The following LHFPL6 variants were observed in gnomAD, a reference collection of about 807,000 sequenced individuals.
LHFPL6 encodes LHFPL tetraspan subfamily member 6 protein.
A neutral mutation model predicts 20.6 loss-of-function variants in LHFPL6; 9 were observed. The ratio of observed to expected loss-of-function variants is 0.44; its 90% confidence interval spans 0.26 to 0.76. The LOEUF is 0.76. Ranked by LOEUF, LHFPL6 falls within the 30% of genes least tolerant of loss-of-function variation. The pLI, the probability that LHFPL6 is intolerant of heterozygous loss-of-function variation, is 0.20. For missense variants in LHFPL6, 218 were observed against 253.5 expected (o/e 0.86, Z 0.95); for synonymous variants, 105 against 98.7 (o/e 1.06, Z -0.38).
chr13:39,368,972 T>C lies in LHFPL6; in HGVS notation c.484+9456A>G. 1.3e-5 allele frequency among the ~76,000 whole-genome samples: 2 copies of C among 152,230 alleles called. 1 individual carries two copies. The highest frequency in any genetic ancestry group is 4.1e-4 in the South Asian group (2 of 4,824). On this transcript the variant is annotated intron_variant, in intron 3 of 3. Transcript: ENST00000379589. The stretch of plus-strand genomic sequence containing the variant: ...GCTGAAATGATGGGAAAGAATATAA[T>C]GGTTGAGAACACATAATACAAAAAA...
chr13:39,428,326 G>A (rs1871696701), intron 2 of LHFPL6, among the ~76,000 whole-genome samples: 1 of 151,790 alleles, frequency 6.6e-6, no homozygotes, highest in African/African-American at 2.4e-5. Flanking sequence ...AATTCATCAG[G>A]AAAGTCAACT....
intron 2 of LHFPL6, among the ~76,000 whole-genome samples, chr13:39,532,313 A>G (rs566091874): frequency 2.6e-4 from 39 of 152,178 alleles, no homozygotes; most frequent in Non-Finnish European, 3.7e-4. Flanking sequence ...AACAGCCCCA[A>G]CTGATGTTTT....
At chr13:39,524,939 T>G (rs1870241142) in intron 2 of LHFPL6, among the ~76,000 whole-genome samples, 1 of 152,224 alleles carries the variant, frequency 6.6e-6, no homozygotes, top group Admixed American at 6.5e-5. Context: ...GAAATAAAAC[T>G]TACTGAATTA....
At chr13:39,449,935 TC>T (rs1302519331) in intron 2 of LHFPL6, among the ~76,000 whole-genome samples, 6 of 152,096 alleles carry the variant, frequency 3.9e-5, no homozygotes, top group African/African-American at 7.2e-5. Context: ...TTATAACATC[TC>T]CTTTATCCAC....
chr13:39,530,526 T>C (rs1870433748), intron 2 of LHFPL6, among the ~76,000 whole-genome samples: 1 of 152,036 alleles, frequency 6.6e-6, no homozygotes, highest in Non-Finnish European at 1.5e-5. Flanking sequence ...ACTGCACAAA[T>C]TCAAAGGGCA....
intron 2 of LHFPL6, among the ~76,000 whole-genome samples, chr13:39,563,646 A>T (rs948145650): frequency 1.3e-5 from 2 of 152,084 alleles, no homozygotes; most frequent in African/African-American, 4.8e-5. Flanking sequence ...GAAATATGGG[A>T]CTCAGAACAT....
chr13:39,490,596 C>T (rs1868894071), intron 2 of LHFPL6, among the ~76,000 whole-genome samples: 1 of 152,230 alleles, frequency 6.6e-6, no homozygotes, highest in Admixed American at 6.5e-5. Context: ...ACTAATGCTA[C>T]ATCTGTGGCC....
At chr13:39,573,785 C>T (rs1189508874) in intron 2 of LHFPL6, among the ~76,000 whole-genome samples, 2 of 151,784 alleles carry the variant, frequency 1.3e-5, no homozygotes, top group African/African-American at 4.8e-5. Flanking sequence ...TATGAGTAGG[C>T]TAATAGTTAA....
intron 2 of LHFPL6, among the ~76,000 whole-genome samples, chr13:39,487,803 T>A (rs886328955): frequency 6.6e-6 from 1 of 152,152 alleles, no homozygotes; most frequent in Non-Finnish European, 1.5e-5. Flanking sequence ...CCCAGCACTT[T>A]GGGAGGCCGA....
chr13:39,568,277 G>GAA (rs36041811), intron 2 of LHFPL6, among the ~76,000 whole-genome samples: 100 of 148,276 alleles, frequency 6.7e-4, no homozygotes, highest in Admixed American at 2.5e-3. Flanking sequence ...GAAATATCCA[G>GAA]AAAAAAAAAA....
intron 2 of LHFPL6, among the ~76,000 whole-genome samples, chr13:39,522,414 T>A (rs142433541): frequency 6.7e-6 from 1 of 149,682 alleles, no homozygotes; most frequent in East Asian, 1.9e-4. Flanking sequence ...CATGGCCAAG[T>A]CCAAGTTTTA....
chr13:39,436,369 G>A (rs962353547), intron 2 of LHFPL6, among the ~76,000 whole-genome samples: 2 of 152,086 alleles, frequency 1.3e-5, no homozygotes, highest in Non-Finnish European at 2.9e-5. Flanking sequence ...TTTTTTAAAT[G>A]AGCATAGCTT....
chr13:39,530,900 G>T (rs1870445804), intron 2 of LHFPL6, among the ~76,000 whole-genome samples: 1 of 151,216 alleles, frequency 6.6e-6, no homozygotes, highest in Admixed American at 6.6e-5. Flanking sequence ...GATGTTCATT[G>T]TCAAAGCTAC....
rs138580683 is a variant in LHFPL6, at chr13:39,590,768, C to A, written c.385+10064G>T. ...ATCTCTTGAGTGTGGTTTTTGAGTT[C>A]TTTCTATGGAAATGTTTATGAATTT... On this transcript the variant is annotated intron_variant, in intron 2 of 3. Coordinates refer to ENST00000379589, the MANE Select transcript of LHFPL6 (RefSeq NM_005780.3). Among the ~76,000 whole-genome samples, 22 of 152,246 alleles carry A rather than the reference C, an allele frequency of 1.4e-4. 1 individual carries two copies. Among genetic ancestry groups the A allele is most frequent in the African/African-American group, 5.3e-4 (22 of 41,540 alleles).
At chr13:39,513,071 G>A (rs568831633) in intron 2 of LHFPL6, among the ~76,000 whole-genome samples, 1 of 152,306 alleles carries the variant, frequency 6.6e-6, no homozygotes, top group South Asian at 2.1e-4. Context: ...CTGTCCTTTG[G>A]AAGCATCAAA....
At chr13:39,596,525 T>G (rs1872775691) in intron 2 of LHFPL6, among the ~76,000 whole-genome samples, 1 of 152,122 alleles carries the variant, frequency 6.6e-6, no homozygotes, top group African/African-American at 2.4e-5. Context: ...CACAGGTGAT[T>G]CTGATGCATA....
intron 2 of LHFPL6, among the ~76,000 whole-genome samples, chr13:39,523,953 GA>G (rs1003948294): frequency 1.3e-5 from 2 of 151,506 alleles, no homozygotes; most frequent in Admixed American, 6.6e-5. Flanking sequence ...ACATTAAAAA[GA>G]AAAAAAATGA....
intron 2 of LHFPL6, among the ~76,000 whole-genome samples, chr13:39,527,548 T>C (rs780646823): frequency 6.6e-5 from 10 of 151,692 alleles, no homozygotes; most frequent in Non-Finnish European, 1.3e-4. Flanking sequence ...AATGAAACCA[T>C]GTCAGGTTTC....
chr13:39,435,034 A>G (rs916319078), intron 2 of LHFPL6, among the ~76,000 whole-genome samples: 1 of 123,660 alleles, frequency 8.1e-6, no homozygotes. Context: ...CCGCAGTCCG[A>G]CCTGGGCGAC....
Sources: gnomAD v4.1 joint callset for allele counts (sites outside exome capture counted in the v4.1 genomes callset) on GRCh38, gnomAD v4.1.1 for gene constraint, MANE v1.5 for transcripts, NCBI Gene and HGNC (gene_info 2026-07-23, HGNC 2026-07-21) for gene names.